CAPN14: variants seen among roughly 807,000 people sequenced by gnomAD.
The protein encoded by CAPN14 is calpain-14.
Under a neutral mutation model 101.3 loss-of-function variants are expected in CAPN14, and 94 were observed. The observed-to-expected ratio is 0.93, with a 90% CI of 0.79 to 1.10. The LOEUF (loss-of-function observed/expected upper bound fraction) is 1.10. Among genes scored for constraint, CAPN14 ranks in the 50% least tolerant of loss-of-function variants. CAPN14 has a pLI of 0.00. For synonymous variants in CAPN14, 338 were observed against 317.9 expected (o/e 1.06, Z -0.67); for missense variants, 837 against 828.4 (o/e 1.01, Z -0.13).
At chr2:31,187,503 G>T (rs1460542620) in intron 15 of CAPN14, among the ~76,000 whole-genome samples, 1 of 147,016 alleles carries the variant, frequency 6.8e-6, no homozygotes, top group South Asian at 2.2e-4. Flanking sequence ...AAAGATTAAA[G>T]TTGCTTTCCC....
At chr2:31,178,172 G>C (rs969742598) in intron 18 of CAPN14, among the ~76,000 whole-genome samples, 1 of 152,236 alleles carries the variant, frequency 6.6e-6, no homozygotes, top group South Asian at 2.1e-4. Flanking sequence ...TGTGAGCAAT[G>C]ATTGGAAGAG....
In CAPN14 at chr2:31,230,597, A is replaced by G. The variant is rs1038027199; in HGVS notation, c.-177+3194T>C. Among the ~76,000 whole-genome samples the G allele has an allele frequency of 6.6e-6, 1 of 152,190 alleles. No individual in the cohort carries two copies. Among genetic ancestry groups the G allele is most frequent in the East Asian group, 1.9e-4 (1 of 5,182 alleles). On this transcript the variant is annotated intron_variant and NMD_transcript_variant, in intron 1 of 21. Coordinates refer to the CAPN14 transcript ENST00000398824. The surrounding 1 kb of genome is among the most constrained non-coding windows in gnomAD (Gnocchi z 4.3). ...TGGTTTGGCATTTCTCTAATTACTA[A>G]TGAGATGCAACATGTTTTCTTGCGT...
rs1683143504 is a variant in CAPN14, at chr2:31,230,060, C to T, written c.-176-3409G>A. ...AACTTTCATTTTAGGTTCGGGGGTA[C>T]ATGTGAAGGTTTGTTATATAGGTAA... On this transcript the variant is annotated intron_variant and NMD_transcript_variant, in intron 1 of 21. Coordinates refer to the CAPN14 transcript ENST00000398824. The surrounding 1 kb of genome is among the most constrained non-coding windows in gnomAD (Gnocchi z 4.3). Among the ~76,000 whole-genome samples, 1 of 152,088 alleles carries T rather than the reference C, an allele frequency of 6.6e-6. No individual in the cohort carries two copies. The highest frequency in any genetic ancestry group is 2.4e-5 in the African/African-American group (1 of 41,394).
In CAPN14 at chr2:31,187,725, T is replaced by C. The variant is rs368363283; in HGVS notation, c.1587+33A>G. The C allele has an allele frequency of 9.8e-5, 150 of 1,533,316 alleles. 1 individual carries two copies. In the East Asian group the frequency reaches 1.4e-3, roughly 14 times the overall value. The allele number at this position is 1,533,316 out of a possible 1,614,324, so 95.0% of individuals were successfully genotyped here. A position where few individuals can be genotyped will look rare whatever the true frequency, so the allele number is the denominator to read the frequency against. The stretch of plus-strand genomic sequence containing the variant: ...AGAAGCTCCACTTCGTCCCCTGCTC[T>C]TCCTCACCCCCCACCACACCTGTTC... On this transcript the variant is annotated intron_variant, in intron 15 of 21. Coordinates refer to ENST00000403897, the MANE Select transcript of CAPN14 (RefSeq NM_001145122.2).
At chr2:31,209,733 T>G (rs1432233971) in intron 1 of CAPN14, among the ~76,000 whole-genome samples, 1 of 151,856 alleles carries the variant, frequency 6.6e-6, no homozygotes, top group Non-Finnish European at 1.5e-5. Context: ...GTAGCCAGTG[T>G]GAGCAGGATG....
At chr2:31,205,581 G>A in intron 1 of CAPN14, 82 bp from the exon 2 acceptor site, 1 of 739,842 alleles carries the variant, frequency 1.4e-6, no homozygotes. Flanking sequence ...GAAGGATGGA[G>A]AGAATGGGAG....
chr2:31,188,417 C>T (rs1681012505), intron 13 of CAPN14, 63 bp from the exon 14 acceptor site: 5 of 1,457,756 alleles, frequency 3.4e-6, no homozygotes, highest in Admixed American at 2.0e-5. Flanking sequence ...GGCCAATCTT[C>T]CCCTTCTCCT....
chr2:31,177,189 C>CCCAAT, intron 19 of CAPN14, 47 bp from the exon 20 acceptor site: 4 of 1,337,774 alleles, frequency 3.0e-6, no homozygotes, highest in Non-Finnish European at 4.2e-6. Context: ...GGCTTGCACC[C>CCCAAT]AGCTCCCCTC....
At chr2:31,215,901 T>A (rs549953016) in intron 1 of CAPN14, among the ~76,000 whole-genome samples, 1 of 145,648 alleles carries the variant, frequency 6.9e-6, no homozygotes, top group Non-Finnish European at 1.5e-5. Flanking sequence ...GCTAAACACA[T>A]ACAAACTATA....
chr2:31,213,403 C>T (rs574328636), intron 1 of CAPN14, among the ~76,000 whole-genome samples: 47 of 152,386 alleles, frequency 3.1e-4, no homozygotes, highest in South Asian at 2.7e-3. Flanking sequence ...TTGTCCGTGG[C>T]TGCTTTCGCA....
chr2:31,187,870 C>T (rs1317974096), intron 14 of CAPN14, 56 bp from the exon 15 acceptor site: 8 of 1,329,680 alleles, frequency 6.0e-6, no homozygotes, highest in Non-Finnish European at 8.4e-6. Context: ...AACGGACTTT[C>T]GTGCACACCC....
At position 31,201,934 on chromosome 2, in the gene CAPN14, C is replaced by T; in HGVS notation, c.479G>A (p.Gly160Asp). The change falls in exon 5 of 22, where the codon GGC becomes GAC. Residue 160 changes from glycine to aspartate, a missense_variant. Physicochemically the swap from Gly to Asp is moderately conservative, Grantham distance 94. Coordinates refer to ENST00000403897, the MANE Select transcript of CAPN14 (RefSeq NM_001145122.2). ...IDDRLPVNEA[G>D]QLVFVSSTYK... ...GGTGGAGGAGACAAAGACCAGCTGG[C>T]CAGCCTCATTCACAGGCAGACGGTC... 1 of 1,551,708 alleles carries T rather than the reference C, an allele frequency of 6.4e-7. No individual in the cohort carries two copies. The highest frequency in any genetic ancestry group is 1.2e-5 in the South Asian group (1 of 84,052).
At chr2:31,179,132 G>A (rs1349677833) in intron 17 of CAPN14, among the ~76,000 whole-genome samples, 1 of 143,862 alleles carries the variant, frequency 7.0e-6, no homozygotes. Flanking sequence ...GTGCAGGTTT[G>A]TTACATAGGT....
chr2:31,214,169 T>C (rs369012993), intron 1 of CAPN14, among the ~76,000 whole-genome samples: 1 of 152,344 alleles, frequency 6.6e-6, no homozygotes, highest in South Asian at 2.1e-4. Context: ...AGATGCTTGA[T>C]AAATGCTGGC....
rs191136437 is a variant in CAPN14, at chr2:31,177,231, T to C, written c.1856-89A>G. On this transcript the variant is annotated intron_variant, in intron 19 of 21. Coordinates refer to ENST00000403897, the MANE Select transcript of CAPN14 (RefSeq NM_001145122.2). ...AAGGCCCCTTCAAATGTCCCTCCAG[T>C]TTAGGGACCTGAATCCTGATAGCAT... 5.1e-6 allele frequency: 4 copies of C among 782,596 alleles called. No individual in the cohort carries two copies. The African/African-American group carries it at 7.1e-5, about 14-fold the overall frequency. The allele number at this position is 782,596 out of a possible 1,614,324, so 48.5% of individuals were successfully genotyped here. A position where few individuals can be genotyped will look rare whatever the true frequency, so the allele number is the denominator to read the frequency against.
At position 31,176,607 on chromosome 2, in the gene CAPN14, T is replaced by C. The variant is rs931509615; in HGVS notation, c.2008A>G (p.Ile670Val). The change falls in exon 21 of 22, where the codon ATA (isoleucine) becomes GTA (valine). Residue 670 changes from isoleucine (I) to valine (V), a missense_variant. Ile to Val is a conservative substitution (Grantham distance 29, BLOSUM62 3). Coordinates refer to ENST00000403897, the MANE Select transcript of CAPN14 (RefSeq NM_001145122.2). ...FQNLTQDGKG[I>V]YLQKPEWMMM... ...CTTACCTCTGGCTTCTGGAGGTATATCCCTTTGCCATCTTGGGTTAAGTTT... is the reference window on the plus strand; with the variant it reads ...CTTACCTCTGGCTTCTGGAGGTATACCCCTTTGCCATCTTGGGTTAAGTTT... 6.4e-7 allele frequency: 1 copy of C among 1,551,720 alleles called. No individual in the cohort carries two copies. Among genetic ancestry groups the C allele is most frequent in the Non-Finnish European group, 8.7e-7 (1 of 1,146,974 alleles).
intron 16 of CAPN14, 37 bp downstream of exon 16, chr2:31,186,391 C>T (rs755851236): frequency 1.3e-5 from 19 of 1,455,882 alleles, no homozygotes; most frequent in Non-Finnish European, 1.7e-5. Context: ...AAGTTGCATC[C>T]CCTCTGAGTC....
chr2:31,177,065 T>C lies in CAPN14; in HGVS notation c.1933A>G (p.Ser645Gly), dbSNP rs1333930173. The change falls in exon 20 of 22, where the codon AGT becomes GGT. Residue 645 changes from serine to glycine, a missense_variant. Transcript: ENST00000403897. ...GGPRLQMDFV[S>G]FIHLMLRVEN... ...ACACGCAGCATCAAGTGGATGAAAC[T>C]GACAAAGTCCATCTGGAGGCGGGGG... 8 of 1,551,454 alleles carry C rather than the reference T, an allele frequency of 5.2e-6. No individual in the cohort carries two copies. The highest frequency in any genetic ancestry group is 7.0e-6 in the Non-Finnish European group (8 of 1,146,892).
rs550636683 is a variant in CAPN14, at chr2:31,198,219, T to G, written c.790-885A>C. On this transcript the variant is annotated intron_variant, in intron 7 of 21. Coordinates refer to ENST00000403897, the MANE Select transcript of CAPN14 (RefSeq NM_001145122.2). ...ACAGAAACTTGAAAGAATGCAACCA[T>G]TTGTCTCTTATCTACCTGTGACCTG... is the stretch of plus-strand genomic sequence containing the variant. Among the ~76,000 whole-genome samples the G allele has an allele frequency of 1.3e-4, 20 of 152,298 alleles. No homozygotes were observed. The East Asian group carries it at 3.7e-3, about 28-fold the overall frequency.
Sources: gnomAD v4.1 joint callset for allele counts (sites outside exome capture counted in the v4.1 genomes callset) on GRCh38, gnomAD v4.1.1 for gene constraint, Gnocchi (gnomAD v3.1) non-coding constraint, MANE v1.5 for transcripts, NCBI Gene and HGNC (gene_info 2026-07-23, HGNC 2026-07-21) for gene names.